Variants in COL14A1 observed in about 807,000 individuals in gnomAD.
The protein encoded by COL14A1 is collagen alpha-1(XIV) chain.
A neutral mutation model predicts 230.3 loss-of-function variants in COL14A1; 136 were observed. The ratio of observed to expected loss-of-function variants is 0.59; its 90% CI spans 0.51 to 0.68. The LOEUF is 0.68. Among genes scored for constraint, COL14A1 ranks in the 30% least tolerant of loss-of-function variants. The pLI is 0.00. For synonymous variants in COL14A1, 792 were observed against 784.1 expected (o/e 1.01, Z -0.17); for missense variants, 1,976 against 2,215.8 (o/e 0.89, Z 2.17).
chr8:120,131,364 ATC>A (rs1255355548), intron 1 of COL14A1, among the ~76,000 whole-genome samples: 8 of 98,826 alleles, frequency 8.1e-5, no homozygotes, highest in African/African-American at 4.0e-4. Flanking sequence ...TTCTCTGCAA[ATC>A]TGTTTTTTTT....
At chr8:120,313,455 A>T (rs2130102125) in intron 37 of COL14A1, among the ~76,000 whole-genome samples, 1 of 152,300 alleles carries the variant, frequency 6.6e-6, no homozygotes, top group Non-Finnish European at 1.5e-5. Context: ...TGGCAGCGTC[A>T]AAGTGAGGAA....
chr8:120,253,809 A>G (rs1455755838), intron 22 of COL14A1, among the ~76,000 whole-genome samples: 1 of 152,162 alleles, frequency 6.6e-6, no homozygotes, highest in Non-Finnish European at 1.5e-5. Flanking sequence ...CTGTAATCCC[A>G]GCTACTCAGG....
chr8:120,211,682 A>G (rs1260796961), intron 12 of COL14A1, among the ~76,000 whole-genome samples: 4 of 152,172 alleles, frequency 2.6e-5, no homozygotes, highest in Non-Finnish European at 4.4e-5. Context: ...CTGTAAGTTT[A>G]TGTTGTATAT....
chr8:120,285,019 T>C (rs1416118245), intron 32 of COL14A1, among the ~76,000 whole-genome samples: 1 of 152,186 alleles, frequency 6.6e-6, no homozygotes, highest in African/African-American at 2.4e-5. Flanking sequence ...TCATAGTATC[T>C]TTTAAATAAT....
intron 2 of COL14A1, among the ~76,000 whole-genome samples, chr8:120,153,050 G>A (rs1815342694): frequency 6.8e-6 from 1 of 147,164 alleles, no homozygotes; most frequent in Non-Finnish European, 1.5e-5. Flanking sequence ...CAACATATGA[G>A]GTTCTAAACC....
intron 23 of COL14A1, among the ~76,000 whole-genome samples, chr8:120,260,443 G>A (rs970659332): frequency 2.0e-5 from 3 of 152,028 alleles, no homozygotes; most frequent in African/African-American, 4.8e-5. Flanking sequence ...TGTAGATTCT[G>A]TTTATTCTTC....
chr8:120,298,404 A>C (rs1371800742), intron 35 of COL14A1, among the ~76,000 whole-genome samples: 3 of 151,382 alleles, frequency 2.0e-5, no homozygotes, highest in Admixed American at 6.6e-5. Context: ...CATAACCTAT[A>C]TGTGATGCTA....
At chr8:120,146,607 CA>C (rs969641790) in intron 1 of COL14A1, among the ~76,000 whole-genome samples, 2 of 152,040 alleles carry the variant, frequency 1.3e-5, no homozygotes, top group African/African-American at 4.8e-5. Flanking sequence ...TCCAGATAAA[CA>C]ATGATTTTTT....
At chr8:120,201,360 C>T (rs2130727701) in intron 8 of COL14A1, among the ~76,000 whole-genome samples, 1 of 152,144 alleles carries the variant, frequency 6.6e-6, no homozygotes, top group African/African-American at 2.4e-5. Flanking sequence ...TTTGCAAGAG[C>T]CAATTGTGCA....
chr8:120,267,339 T>C (rs935222760), intron 25 of COL14A1, among the ~76,000 whole-genome samples: 1 of 151,964 alleles, frequency 6.6e-6, no homozygotes, highest in African/African-American at 2.4e-5. Flanking sequence ...GTGATCATTA[T>C]TTTTTTATTT....
intron 40 of COL14A1, among the ~76,000 whole-genome samples, chr8:120,329,079 A>C (rs544071306): frequency 6.6e-6 from 1 of 152,342 alleles, no homozygotes; most frequent in East Asian, 1.9e-4. Context: ...ATATGTGCCC[A>C]GGGTCCATTT....
chr8:120,185,984 T>G (rs7834184), intron 5 of COL14A1, among the ~76,000 whole-genome samples: 100,296 of 151,878 alleles, frequency 0.66, 33,802 homozygotes, highest in African/African-American at 0.79. Context: ...ATTTGGCCTG[T>G]CTGGTCTCGA....
intron 26 of COL14A1, among the ~76,000 whole-genome samples, chr8:120,274,233 T>C (rs976622554): frequency 6.6e-6 from 1 of 151,792 alleles, no homozygotes; most frequent in Non-Finnish European, 1.5e-5. Flanking sequence ...AAAAACCATA[T>C]GTTCATCTCA....
intron 45 of COL14A1, among the ~76,000 whole-genome samples, chr8:120,364,646 G>T (rs1586901224): frequency 2.0e-5 from 3 of 152,126 alleles, no homozygotes; most frequent in Admixed American, 2.0e-4. Context: ...ACTTTGGAAG[G>T]TTAAGGTGGG....
chr8:120,165,873 G>A (rs10110722), intron 4 of COL14A1, among the ~76,000 whole-genome samples: 91,478 of 152,066 alleles, frequency 0.6, 30,893 homozygotes, highest in Non-Finnish European at 0.75. Flanking sequence ...CACATGAAGT[G>A]GGGGCACCCA....
intron 2 of COL14A1, among the ~76,000 whole-genome samples, chr8:120,152,469 C>CAAAA (rs397891260): frequency 3.5e-4 from 21 of 59,598 alleles, no homozygotes; most frequent in Non-Finnish European, 3.5e-4. Context: ...GATTCCATCT[C>CAAAA]AAAAAAAAAA....
intron 5 of COL14A1, among the ~76,000 whole-genome samples, chr8:120,182,726 G>GT (rs756254098): frequency 0.022 from 2,797 of 128,936 alleles, 69 homozygotes; most frequent in African/African-American, 0.051. Flanking sequence ...ATTTTTCTTC[G>GT]TTTTTTTTTT....
At chr8:120,333,266 G>A (rs1178595717) in intron 42 of COL14A1, among the ~76,000 whole-genome samples, 1 of 152,178 alleles carries the variant, frequency 6.6e-6, no homozygotes, top group Admixed American at 6.5e-5. Context: ...TCTTAGGTTG[G>A]TGTTTAAATG....
chr8:120,183,190 G>T (rs1191577894), intron 5 of COL14A1, among the ~76,000 whole-genome samples: 2 of 152,144 alleles, frequency 1.3e-5, no homozygotes, highest in African/African-American at 2.4e-5. Flanking sequence ...CTGAGATGTT[G>T]TTGGGAGAAA....
Sources: allele counts gnomAD v4.1 joint callset (sites outside exome capture counted in the v4.1 genomes callset), GRCh38; gene constraint gnomAD v4.1.1; transcripts MANE v1.5; gene names NCBI Gene and HGNC (gene_info 2026-07-23, HGNC 2026-07-21).